Variants in FTCDNL1 observed in about 807,000 individuals in gnomAD.
FTCDNL1 encodes the protein formiminotransferase cyclodeaminase N-terminal like.
In FTCDNL1, 11 loss-of-function variants were observed where a neutral mutation model predicts 5.9. The ratio of observed to expected loss-of-function variants is 1.87; its 90% CI spans 1.18 to 3.10. FTCDNL1 has a LOEUF of 3.10. FTCDNL1 is among the 30% of genes most tolerant of loss of function. The pLI, the probability that FTCDNL1 is intolerant of heterozygous loss-of-function variation, is 0.00. For missense variants in FTCDNL1, 115 were observed against 65.5 expected (o/e 1.76, Z -2.61); for synonymous variants, 58 against 24.8 (o/e 2.34, Z -3.99).
chr2:199,835,020 A>G (rs1042060287), intron 3 of FTCDNL1, among the ~76,000 whole-genome samples: 3 of 152,056 alleles, frequency 2.0e-5, no homozygotes, highest in African/African-American at 7.2e-5. Context: ...CAAAAAAAAA[A>G]TTTAAAGATT....
At chr2:199,751,062 G>A in the FTCDNL1 span, among the ~76,000 whole-genome samples, 4 of 152,144 alleles carry the variant, frequency 2.6e-5, no homozygotes, top group African/African-American at 9.7e-5. Context: ...CTATAACCTT[G>A]CGGACCTGAG....
At chr2:199,761,176 C>T (rs1343137786) in intron 3 of FTCDNL1, among the ~76,000 whole-genome samples, 1 of 152,198 alleles carries the variant, frequency 6.6e-6, no homozygotes, top group Non-Finnish European at 1.5e-5. Flanking sequence ...CATGAATATT[C>T]TGGTGTAATG....
chr2:199,795,212 A>C (rs1700113514), intron 3 of FTCDNL1, among the ~76,000 whole-genome samples: 1 of 152,232 alleles, frequency 6.6e-6, no homozygotes, highest in Non-Finnish European at 1.5e-5. Flanking sequence ...TGACTGGAGA[A>C]TAAGAGACCC....
intron 3 of FTCDNL1, among the ~76,000 whole-genome samples, chr2:199,792,833 G>A (rs1048071974): frequency 1.3e-5 from 2 of 152,068 alleles, no homozygotes; most frequent in African/African-American, 2.4e-5. Context: ...AACAGAAACC[G>A]TGGGTGCTAT....
intron 3 of FTCDNL1, among the ~76,000 whole-genome samples, chr2:199,775,132 A>G (rs35149856): frequency 0.073 from 11,099 of 152,304 alleles, 525 homozygotes; most frequent in East Asian, 0.2. Flanking sequence ...ATGCAGCTCC[A>G]AAATCACATT....
intron 3 of FTCDNL1, among the ~76,000 whole-genome samples, chr2:199,786,352 A>G (rs867521197): frequency 1.3e-5 from 2 of 152,030 alleles, no homozygotes; most frequent in African/African-American, 4.8e-5. Flanking sequence ...GGGACTTCAG[A>G]ACCTTAAAAG....
At chr2:199,703,663 C>A in the FTCDNL1 span, among the ~76,000 whole-genome samples, 1 of 152,118 alleles carries the variant, frequency 6.6e-6, no homozygotes, top group African/African-American at 2.4e-5. Context: ...GGGTACTATG[C>A]TCATTACCTG....
chr2:199,734,709 T>C, the FTCDNL1 span, among the ~76,000 whole-genome samples: 4 of 152,188 alleles, frequency 2.6e-5, no homozygotes, highest in Admixed American at 1.3e-4. Context: ...GAATACAGAA[T>C]TATAAAGTTC....
chr2:199,752,832 G>T, the FTCDNL1 span, among the ~76,000 whole-genome samples: 1 of 149,480 alleles, frequency 6.7e-6, no homozygotes, highest in African/African-American at 2.5e-5. Context: ...TATATAGATA[G>T]AGAGAGAGAG....
rs137978244 is a variant in FTCDNL1 at position 199,848,680 on chromosome 2, C to G, written c.115+168G>C. 7.9e-3 allele frequency among the ~76,000 whole-genome samples: 1,207 copies of G among 152,310 alleles called. 15 individuals carry two copies. Among genetic ancestry groups the G allele is most frequent in the African/African-American group, 0.027 (1,136 of 41,558 alleles). On this transcript the variant is annotated intron_variant, in intron 2 of 4. Coordinates refer to ENST00000420128, the MANE Select transcript of FTCDNL1 (RefSeq NM_001363886.2). ...ATATGTGCACATCTGAGTAACTGAG[C>G]TATCTCAGTATCCTGGAGTTGCGCA...
intron 3 of FTCDNL1, among the ~76,000 whole-genome samples, chr2:199,779,333 T>C (rs551564569): frequency 6.6e-6 from 1 of 152,264 alleles, no homozygotes. Context: ...GGACCAATTG[T>C]GTAAGTGTCC....
chr2:199,726,112 C>T, the FTCDNL1 span, among the ~76,000 whole-genome samples: 1 of 152,062 alleles, frequency 6.6e-6, no homozygotes, highest in Non-Finnish European at 1.5e-5. Flanking sequence ...CTAATTTTGT[C>T]TGCCTGTCAT....
At chr2:199,775,585 T>C (rs1699017622) in intron 3 of FTCDNL1, among the ~76,000 whole-genome samples, 1 of 152,212 alleles carries the variant, frequency 6.6e-6, no homozygotes, top group South Asian at 2.1e-4. Flanking sequence ...GACTCCAGTC[T>C]TCCTTTTTCT....
the FTCDNL1 span, among the ~76,000 whole-genome samples, chr2:199,740,557 C>T: frequency 2.6e-5 from 4 of 152,200 alleles, no homozygotes; most frequent in African/African-American, 9.7e-5. Context: ...CATAGGTGCC[C>T]TCCCTTCCCC....
At chr2:199,685,357 A>G in the FTCDNL1 span, among the ~76,000 whole-genome samples, 1 of 152,152 alleles carries the variant, frequency 6.6e-6, no homozygotes, top group East Asian at 1.9e-4. Context: ...TAGAGTGGAT[A>G]AAAGTGCCTT....
At chr2:199,730,008 A>ATATATATG in the FTCDNL1 span, among the ~76,000 whole-genome samples, 2 of 152,204 alleles carry the variant, frequency 1.3e-5, no homozygotes, top group Admixed American at 1.3e-4. Context: ...ACAGATATAT[A>ATATATATG]GACCAATGGA....
chr2:199,794,919 C>T (rs1307326845), intron 3 of FTCDNL1, among the ~76,000 whole-genome samples: 1 of 152,088 alleles, frequency 6.6e-6, no homozygotes, highest in African/African-American at 2.4e-5. Context: ...AATAACAATG[C>T]ATTCATGTTG....
intron 3 of FTCDNL1, among the ~76,000 whole-genome samples, chr2:199,820,820 G>A (rs751405813): frequency 4.6e-5 from 7 of 152,148 alleles, no homozygotes; most frequent in Non-Finnish European, 8.8e-5. Context: ...ATAGTCCCCT[G>A]TAAGCAAACA....
intron 3 of FTCDNL1, among the ~76,000 whole-genome samples, chr2:199,838,547 G>T (rs996416671): frequency 6.6e-6 from 1 of 152,156 alleles, no homozygotes; most frequent in African/African-American, 2.4e-5. Flanking sequence ...GATGTGATTC[G>T]GCAGACTCAA....
Sources: gnomAD v4.1 joint callset for allele counts (sites outside exome capture counted in the v4.1 genomes callset) on GRCh38, gnomAD v4.1.1 for gene constraint, MANE v1.5 for transcripts, NCBI Gene and HGNC (gene_info 2026-07-23, HGNC 2026-07-21) for gene names.